The following CCNT1 variants were observed in gnomAD, a reference collection of about 807,000 sequenced individuals.
CCNT1 encodes the protein cyclin T1, also known as cyclin-T1.
CCNT1 carries 18 observed loss-of-function variants against 67.3 expected under a neutral mutation model. The observed-to-expected ratio is 0.27, with a 90% CI of 0.18 to 0.40. The LOEUF (loss-of-function observed/expected upper bound fraction) is 0.40, where lower values mean the gene tolerates loss of function less well. Among genes scored for constraint, CCNT1 ranks in the 10% least tolerant of loss-of-function variants. The pLI is 1.00. For synonymous variants in CCNT1, 333 were observed against 310.3 expected (o/e 1.07, Z -0.77); for missense variants, 744 against 884.9 (o/e 0.84, Z 2.02).
chr12:48,695,704 G>A (rs1592118285), intron 8 of CCNT1, 55 bp downstream of exon 8: 2 of 1,181,400 alleles, frequency 1.7e-6, no homozygotes, highest in East Asian at 4.7e-5. Flanking sequence ...TATATTCACT[G>A]GTGCAGTCAA....
intron 1 of CCNT1, among the ~76,000 whole-genome samples, chr12:48,714,808 A>T (rs1188182785): frequency 6.6e-6 from 1 of 152,206 alleles, no homozygotes; most frequent in Non-Finnish European, 1.5e-5. Flanking sequence ...AGATTTTTTT[A>T]AAAACTATAT....
At chr12:48,703,598 A>C (rs1019128311) in intron 3 of CCNT1, among the ~76,000 whole-genome samples, 6 of 151,726 alleles carry the variant, frequency 4.0e-5, no homozygotes, top group Non-Finnish European at 7.4e-5. Context: ...AAAAAAAAAA[A>C]ATAGTGAAAC....
At chr12:48,705,289 T>TGTTGTC (rs1940337992) in intron 3 of CCNT1, among the ~76,000 whole-genome samples, 1 of 151,694 alleles carries the variant, frequency 6.6e-6, no homozygotes, top group Admixed American at 6.6e-5. Flanking sequence ...TTTTTGTTGT[T>TGTTGTC]GTTGTTGTTG....
In CCNT1 at chr12:48,692,962, A is replaced by G; in HGVS notation, c.*71T>C. 1.1e-6 allele frequency: 1 copy of G among 943,680 alleles called. No homozygotes were observed. 58.5% of individuals were successfully genotyped at this position (943,680 alleles called of 1,614,324 possible). On this transcript the variant is annotated 3_prime_UTR_variant, in exon 9 of 9. Transcript: ENST00000261900. ...GACATATTTCATAAGTAATTTTCTTAGTCCAAAAAAAAAAAAGAAAAATTA... is the reference window on the plus strand; with the variant it reads ...GACATATTTCATAAGTAATTTTCTTGGTCCAAAAAAAAAAAAGAAAAATTA...
At chr12:48,694,711 C>T (rs930009878) in intron 8 of CCNT1, among the ~76,000 whole-genome samples, 5 of 152,146 alleles carry the variant, frequency 3.3e-5, no homozygotes, top group South Asian at 2.1e-4. Context: ...TCCATGCCTT[C>T]GCTTATGATT....
At position 48,693,931 on chromosome 12, in the gene CCNT1, T is replaced by G; in HGVS notation, c.1283A>C (p.His428Pro). 4 of 1,614,168 alleles carry G rather than the reference T, an allele frequency of 2.5e-6. No individual in the cohort carries two copies. Among genetic ancestry groups the G allele is most frequent in the Non-Finnish European group, 3.4e-6 (4 of 1,180,032 alleles). The part of the protein sequence containing the change: ...YAYAAQNLLS[H>P]HDSHSSVILK... ...AATGACTGAAGAATGGCTATCATGA[T>G]GAGAAAGGAGATTCTGGGCAGCATA... The change falls in exon 9 of 9, where the codon CAT becomes CCT. Residue 428 changes from histidine (H) to proline (P), a missense_variant. Around this residue, in one of 3 missense-constraint regions of CCNT1, gnomAD observed 564 missense variants for 574.2 expected, o/e 0.98. Transcript: ENST00000261900.
intron 3 of CCNT1, 90 bp downstream of exon 3, chr12:48,705,678 A>G (rs1940345476): frequency 9.1e-6 from 9 of 994,414 alleles, no homozygotes; most frequent in Non-Finnish European, 1.4e-5. Context: ...GTTGCATTGA[A>G]ATACATAAAG....
At chr12:48,700,699 G>A (rs1353355709) in intron 4 of CCNT1, among the ~76,000 whole-genome samples, 1 of 152,076 alleles carries the variant, frequency 6.6e-6, no homozygotes, top group Admixed American at 6.6e-5. Context: ...AACAATCCAC[G>A]GAAGGAAAAA....
chr12:48,715,277 A>C (rs2137247991), intron 1 of CCNT1, among the ~76,000 whole-genome samples: 1 of 152,346 alleles, frequency 6.6e-6, no homozygotes, highest in Non-Finnish European at 1.5e-5. Flanking sequence ...ACCCATTTTG[A>C]GATGAACACA....
chr12:48,712,560 A>G, intron 2 of CCNT1, among the ~76,000 whole-genome samples: 1 of 123,352 alleles, frequency 8.1e-6, no homozygotes, highest in South Asian at 3.0e-4. Flanking sequence ...CACCGTGCCC[A>G]GCAGGATAAT....
Position 48,694,369 on chromosome 12 carries a change from G to C in CCNT1, c.845C>G (p.Thr282Arg). The C allele has an allele frequency of 6.2e-7, 1 of 1,614,200 alleles. No homozygotes were observed. The change falls in exon 9 of 9, where the codon ACA (threonine) becomes AGA (arginine). Residue 282 changes from threonine to arginine, a missense_variant. Physicochemically the swap from Thr to Arg is moderately conservative, Grantham distance 71. Coordinates refer to ENST00000261900, the MANE Select transcript of CCNT1 (RefSeq NM_001240.4). ...GCTCTGGGAAATCATATTGAGGATT[G>C]TCTGCTCTGAAGTCTTTTCATCTGT... Reference protein sequence around the residue: ...RGTDEKTSEQTILNMISQSSS... With the variant: ...RGTDEKTSEQRILNMISQSSS...
chr12:48,698,059 TTA>T, intron 6 of CCNT1, 77 bp downstream of exon 6: 1 of 808,536 alleles, frequency 1.2e-6, no homozygotes, highest in Non-Finnish European at 1.9e-6. Flanking sequence ...CACCAGAGAA[TTA>T]TCTATAGCAC....
chr12:48,712,551 A>T (rs957721080), intron 2 of CCNT1, among the ~76,000 whole-genome samples: 1 of 131,602 alleles, frequency 7.6e-6, no homozygotes, highest in African/African-American at 2.8e-5. Context: ...GGCTTAAGCC[A>T]CCGTGCCCAG....
At chr12:48,694,460 C>G in intron 8 of CCNT1, 24 bp from the exon 9 acceptor site, 1 of 1,588,304 alleles carries the variant, frequency 6.3e-7, no homozygotes, top group Non-Finnish European at 8.6e-7. Flanking sequence ...AATAGCATCT[C>G]TTTACTTAGG....
intron 6 of CCNT1, among the ~76,000 whole-genome samples, chr12:48,697,717 G>T (rs183948352): frequency 1.4e-5 from 2 of 147,386 alleles, no homozygotes; most frequent in East Asian, 3.9e-4. Context: ...TACTCGGGAG[G>T]CTGAGGCAGG....
At position 48,691,396 on chromosome 12, in the gene CCNT1, T is replaced by G. The variant is rs1381155390; in HGVS notation, c.*1637A>C. ...TGGCATGAAGTAAGCTGCAATCAAA[T>G]CATGAAAACAAACTCAAATTGAACC... On this transcript the variant is annotated 3_prime_UTR_variant, in exon 9 of 9. Coordinates refer to ENST00000261900, the MANE Select transcript of CCNT1 (RefSeq NM_001240.4). 6.6e-6 allele frequency: 1 copy of G among 152,134 alleles called. No homozygotes were observed. Among genetic ancestry groups the G allele is most frequent in the Non-Finnish European group, 1.5e-5 (1 of 68,026 alleles). 9.4% of individuals were successfully genotyped at this position (152,134 alleles called of 1,614,324 possible).
Position 48,702,085 on chromosome 12 carries a change from C to T in CCNT1, c.373-1012G>A, listed in dbSNP as rs1940280213. On this transcript the variant is annotated intron_variant, in intron 3 of 8. Coordinates refer to ENST00000261900, the MANE Select transcript of CCNT1 (RefSeq NM_001240.4). Reference sequence around the variant, plus strand: ...CTAGTTTTTGTATATTTAGTAGAGACGGGGTTTCACCATATTGGCAAAGCT... The same window carrying T: ...CTAGTTTTTGTATATTTAGTAGAGATGGGGTTTCACCATATTGGCAAAGCT... Among the ~76,000 whole-genome samples the T allele has an allele frequency of 4.6e-5, 7 of 152,176 alleles. No homozygotes were observed. In the South Asian group the frequency reaches 1.0e-3, roughly 23 times the overall value.
chr12:48,698,212 G>T (rs747783946), intron 5 of CCNT1, 29 bp from the exon 6 acceptor site: 37 of 1,470,410 alleles, frequency 2.5e-5, no homozygotes, highest in Non-Finnish European at 3.2e-5. Context: ...AGTCAGGGGT[G>T]GGGGAGGAAA....
rs200440108 is a variant in CCNT1 at position 48,703,574 on chromosome 12, G to GA, written c.372+2193dup. 4.1e-4 allele frequency among the ~76,000 whole-genome samples: 60 copies of GA among 144,826 alleles called. 2 individuals carry two copies. The highest frequency in any genetic ancestry group is 7.0e-4 in the Non-Finnish European group (46 of 66,136). ...GGCAACAAGAGCAAAACTCCAACTC[G>GA]AAAAAAAAGTTAAAAAAAAAAAAAA... is the stretch of plus-strand genomic sequence containing the variant. On this transcript the variant is annotated intron_variant, in intron 3 of 8. Transcript: ENST00000261900.
Sources: gnomAD v4.1 joint callset for allele counts (sites outside exome capture counted in the v4.1 genomes callset) on GRCh38, gnomAD v4.1.1 for gene constraint, gnomAD v4.1.1 regional missense constraint, MANE v1.5 for transcripts, NCBI Gene and HGNC (gene_info 2026-07-23, HGNC 2026-07-21) for gene names.